Variants in STXBP4 observed in about 807,000 individuals in gnomAD.
The protein encoded by STXBP4 is syntaxin-binding protein 4.
In STXBP4, 55 loss-of-function variants were observed where a neutral mutation model predicts 76.1. The observed-to-expected ratio is 0.72, with a 90% CI of 0.58 to 0.91. STXBP4 has a LOEUF of 0.91. Ranked by LOEUF, STXBP4 falls within the 40% of genes least tolerant of loss-of-function variation. STXBP4 has a pLI of 0.00. For missense variants in STXBP4, 618 were observed against 636.9 expected (o/e 0.97, Z 0.32); for synonymous variants, 201 against 220.2 (o/e 0.91, Z 0.77).
chr17:55,204,813 A>AGC, the STXBP4 span, among the ~76,000 whole-genome samples: 115 of 73,138 alleles, frequency 1.6e-3, no homozygotes, highest in African/African-American at 6.7e-3. Context: ...TTCAAGATTA[A>AGC]ACACACACAC....
chr17:55,134,109 G>C (rs1423107950), intron 16 of STXBP4, among the ~76,000 whole-genome samples: 1 of 152,042 alleles, frequency 6.6e-6, no homozygotes, highest in African/African-American at 2.4e-5. Flanking sequence ...TTGTTGGATT[G>C]AAGTTTTGAG....
intron 15 of STXBP4, among the ~76,000 whole-genome samples, chr17:55,079,790 A>G (rs1381822220): frequency 1.3e-5 from 2 of 152,072 alleles, no homozygotes; most frequent in Non-Finnish European, 2.9e-5. Flanking sequence ...AAGTAAATAA[A>G]TACTCTACCC....
At chr17:55,155,696 A>G (rs1379498834) in intron 17 of STXBP4, among the ~76,000 whole-genome samples, 4 of 152,146 alleles carry the variant, frequency 2.6e-5, no homozygotes, top group Non-Finnish European at 4.4e-5. Context: ...ATGAATTTCT[A>G]CAGAACAAGT....
chr17:55,031,007 A>G (rs921589845), intron 8 of STXBP4, 161 bp from the exon 9 acceptor site: 3 of 528,320 alleles, frequency 5.7e-6, no homozygotes, highest in Non-Finnish European at 1.0e-5. Context: ...CTAATCTTCA[A>G]TAGGCACTTA....
In STXBP4 at chr17:54,968,794, A is replaced by G; in HGVS notation, c.-178A>G. On this transcript the variant is annotated 5_prime_UTR_variant, in exon 1 of 18. Coordinates refer to ENST00000376352, the MANE Select transcript of STXBP4 (RefSeq NM_178509.6). ...GGCAGCGCTTGCAGTCGGGCTACGG[A>G]GGCCGGGTTGCCAGATTACGGGTAA... 5 of 875,098 alleles carry G rather than the reference A, an allele frequency of 5.7e-6. No individual in the cohort carries two copies. The highest frequency in any genetic ancestry group is 3.4e-5 in the South Asian group (2 of 58,076). 54.2% of individuals were successfully genotyped at this position (875,098 alleles called of 1,614,324 possible). A position where few individuals can be genotyped will look rare whatever the true frequency, so the allele number is the denominator to read the frequency against.
At chr17:55,188,378 C>A in the STXBP4 span, among the ~76,000 whole-genome samples, 1 of 152,148 alleles carries the variant, frequency 6.6e-6, no homozygotes, top group Non-Finnish European at 1.5e-5. Context: ...ATATGGAGAG[C>A]CAGCATTTAA....
At chr17:55,196,053 G>T in the STXBP4 span, among the ~76,000 whole-genome samples, 1 of 152,136 alleles carries the variant, frequency 6.6e-6, no homozygotes, top group Admixed American at 6.5e-5. Context: ...TGTTTGTTCA[G>T]TGACTAAGTG....
At chr17:55,195,397 T>G in the STXBP4 span, among the ~76,000 whole-genome samples, 2 of 152,204 alleles carry the variant, frequency 1.3e-5, no homozygotes, top group African/African-American at 4.8e-5. Context: ...AGTTTGTATT[T>G]CTTTGATGTA....
At chr17:54,998,416 T>G (rs762272181) in intron 4 of STXBP4, among the ~76,000 whole-genome samples, 1 of 152,230 alleles carries the variant, frequency 6.6e-6, no homozygotes, top group Non-Finnish European at 1.5e-5. Context: ...TTTTATTTTC[T>G]AGTTTGAATG....
At chr17:55,203,344 C>T in the STXBP4 span, among the ~76,000 whole-genome samples, 1 of 152,076 alleles carries the variant, frequency 6.6e-6, no homozygotes, top group South Asian at 2.1e-4. Context: ...TTGTCTTTTC[C>T]ACCCTCTTTA....
In STXBP4 at chr17:55,078,753, C is replaced by CT. The variant is rs762122421; in HGVS notation, c.1355+23dup. 3 of 1,381,214 alleles carry CT rather than the reference C, an allele frequency of 2.2e-6. No individual in the cohort carries two copies. The highest frequency in any genetic ancestry group is 3.1e-6 in the Non-Finnish European group (3 of 971,534). 85.6% of individuals were successfully genotyped at this position (1,381,214 alleles called of 1,614,324 possible). ...AATTTAAGGTAAGAAAATTTAAGTG[C>CT]TTTTTGCAGAATATGGGTAGTGATT... is the stretch of plus-strand genomic sequence containing the variant. On this transcript the variant is annotated intron_variant, in intron 15 of 17. Transcript: ENST00000376352.
chr17:55,162,006 C>T lies in STXBP4; in HGVS notation c.*2095C>T, dbSNP rs2080340928. On this transcript the variant is annotated 3_prime_UTR_variant, in exon 18 of 18. Transcript: ENST00000376352. The stretch of plus-strand genomic sequence containing the variant: ...AAAAAGGCAGATTCTAGTTCAGTGT[C>T]ATAAGGAACTTTCTAGTAATTAGAG... 1 of 152,100 alleles carries T rather than the reference C, an allele frequency of 6.6e-6. No individual in the cohort carries two copies. The highest frequency in any genetic ancestry group is 1.5e-5 in the Non-Finnish European group (1 of 68,010). The allele number at this position is 152,100 out of a possible 1,614,324, so 9.4% of individuals were successfully genotyped here. A position where few individuals can be genotyped will look rare whatever the true frequency, so the allele number is the denominator to read the frequency against.
chr17:55,080,802 C>T (rs1311863575), intron 15 of STXBP4, among the ~76,000 whole-genome samples: 1 of 152,014 alleles, frequency 6.6e-6, no homozygotes, highest in Non-Finnish European at 1.5e-5. Context: ...ACAGGTCATC[C>T]TTCTATTACT....
At chr17:55,054,027 T>C (rs973062237) in intron 12 of STXBP4, among the ~76,000 whole-genome samples, 1 of 152,168 alleles carries the variant, frequency 6.6e-6, no homozygotes, top group African/African-American at 2.4e-5. Context: ...TTTTTCCACA[T>C]GAGGCCCTCC....
At chr17:55,146,683 C>T (rs1341257041) in intron 17 of STXBP4, among the ~76,000 whole-genome samples, 2 of 151,652 alleles carry the variant, frequency 1.3e-5, no homozygotes, top group Non-Finnish European at 2.9e-5. Context: ...CACCATTGCA[C>T]TCCAGCCTGG....
At chr17:55,197,742 CA>C in the STXBP4 span, among the ~76,000 whole-genome samples, 7,488 of 125,032 alleles carry the variant, frequency 0.06, 217 homozygotes, top group African/African-American at 0.084. Context: ...GACTCAGTCT[CA>C]AAAAAAAAAA....
the STXBP4 span, among the ~76,000 whole-genome samples, chr17:55,186,721 G>A: frequency 6.6e-6 from 1 of 152,150 alleles, no homozygotes; most frequent in South Asian, 2.1e-4. Context: ...GAATACACAA[G>A]GTCTCTGTGA....
At position 55,164,594 on chromosome 17, in the gene STXBP4, G is replaced by A. The variant is rs2080366279; in HGVS notation, c.*4683G>A. 1 of 151,080 alleles carries A rather than the reference G, an allele frequency of 6.6e-6. No homozygotes were observed. The highest frequency in any genetic ancestry group is 1.5e-5 in the Non-Finnish European group (1 of 67,694). The allele number at this position is 151,080 out of a possible 1,614,324, so 9.4% of individuals were successfully genotyped here. A position where few individuals can be genotyped will look rare whatever the true frequency, so the allele number is the denominator to read the frequency against. On this transcript the variant is annotated 3_prime_UTR_variant, in exon 18 of 18. Transcript: ENST00000376352. ...GCCTCCCGAGTAGCTGGGACTACAG[G>A]CGCCCGCCACCGCGCCCGGCTAATT...
the STXBP4 span, among the ~76,000 whole-genome samples, chr17:55,205,812 G>T: frequency 6.6e-6 from 1 of 151,912 alleles, no homozygotes; most frequent in Non-Finnish European, 1.5e-5. Flanking sequence ...CTTATGGAAA[G>T]CTACTTTACA....
Sources: gnomAD v4.1 joint callset for allele counts (sites outside exome capture counted in the v4.1 genomes callset) on GRCh38, gnomAD v4.1.1 for gene constraint, MANE v1.5 for transcripts, NCBI Gene and HGNC (gene_info 2026-07-23, HGNC 2026-07-21) for gene names.